TP53INP1: variants seen among roughly 807,000 people sequenced by gnomAD.
TP53INP1 encodes tumor protein p53 inducible nuclear protein 1.
In TP53INP1, 12 loss-of-function variants were observed where a neutral mutation model predicts 21.0. That is an observed-to-expected ratio of 0.57 (90% CI 0.37 to 0.93). The LOEUF (loss-of-function observed/expected upper bound fraction) is 0.93. TP53INP1 is among the 40% of genes least tolerant of loss of function. The pLI is 0.01. For synonymous variants in TP53INP1, 91 were observed against 94.8 expected (o/e 0.96, Z 0.23); for missense variants, 274 against 294.7 (o/e 0.93, Z 0.51).
In TP53INP1 at chr8:94,930,471, T is replaced by C. The variant is rs370100507; in HGVS notation, c.*8A>G. 4.3e-6 allele frequency: 7 copies of C among 1,612,986 alleles called. No homozygotes were observed. The highest frequency in any genetic ancestry group is 5.9e-6 in the Non-Finnish European group (7 of 1,179,080). On this transcript the variant is annotated 3_prime_UTR_variant, in exon 4 of 4. Coordinates refer to ENST00000342697, the MANE Select transcript of TP53INP1 (RefSeq NM_033285.4). ...CCAAGAGAAACCAACCAACAAAACT[T>C]GAAACTATTAGTAATTGTACTGACG...
Position 94,929,542 on chromosome 8 carries a change from A to AT in TP53INP1, c.*936dup, listed in dbSNP as rs1210186142. The AT allele has an allele frequency of 2.0e-5, 3 of 152,096 alleles. No individual in the cohort carries two copies. The highest frequency in any genetic ancestry group is 7.2e-5 in the African/African-American group (3 of 41,408). 9.4% of individuals were successfully genotyped at this position (152,096 alleles called of 1,614,324 possible). A position where few individuals can be genotyped will look rare whatever the true frequency, so the allele number is the denominator to read the frequency against. On this transcript the variant is annotated 3_prime_UTR_variant, in exon 4 of 4. Transcript: ENST00000342697. ...GGCAGGACAGGCTCCATGACAGAGG[A>AT]TTTTTCACTCTGTGGAAATATAAAG...
At chr8:94,933,206 T>C (rs138886745) in intron 3 of TP53INP1, among the ~76,000 whole-genome samples, 2,409 of 152,052 alleles carry the variant, frequency 0.016, 68 homozygotes, top group African/African-American at 0.054. Flanking sequence ...ACAGTGAGAC[T>C]CCGTGTTAAA....
At chr8:94,941,237 C>T (rs1181786246) in intron 1 of TP53INP1, 146 bp from the exon 2 acceptor site, 4 of 275,162 alleles carry the variant, frequency 1.5e-5, no homozygotes, top group Middle Eastern at 1.0e-3. Context: ...GAGTCAAACA[C>T]AAGAAATGCA....
At position 94,939,886 on chromosome 8, in the gene TP53INP1, A is replaced by C. The variant is rs748171136; in HGVS notation, c.447T>G (p.Asp149Glu). The C allele has an allele frequency of 6.2e-7, 1 of 1,613,758 alleles. No individual in the cohort carries two copies. The highest frequency in any genetic ancestry group is 1.1e-5 in the South Asian group (1 of 91,052). ...TGGGACTACTTGGGCTATGTAATTCATCAGTCCCACGGGTGGCCTCACTGA... is the reference window on the plus strand; with the variant it reads ...TGGGACTACTTGGGCTATGTAATTCCTCAGTCCCACGGGTGGCCTCACTGA... Reference protein sequence around the residue: ...PGLSEATRGTDELHSPSSPRV... With the variant: ...PGLSEATRGTEELHSPSSPRV... The change falls in exon 3 of 4, where the codon GAT becomes GAG. Residue 149 changes from aspartate (D) to glutamate (E), a missense_variant. Physicochemically the swap from Asp to Glu is conservative, Grantham distance 45. Transcript: ENST00000342697.
chr8:94,943,614 C>T (rs919392675), intron 1 of TP53INP1, among the ~76,000 whole-genome samples: 7 of 152,214 alleles, frequency 4.6e-5, no homozygotes. Flanking sequence ...AGTTCACTTT[C>T]AAAATAATCT....
At chr8:94,936,687 C>T (rs957306032) in intron 3 of TP53INP1, among the ~76,000 whole-genome samples, 14 of 152,122 alleles carry the variant, frequency 9.2e-5, no homozygotes, top group African/African-American at 2.7e-4. Context: ...CACAACCCTA[C>T]GGAAATTTGA....
chr8:94,931,603 C>CAT (rs1475614740), intron 3 of TP53INP1, among the ~76,000 whole-genome samples: 15 of 40,722 alleles, frequency 3.7e-4, no homozygotes, highest in East Asian at 3.6e-3. Context: ...CACACACACA[C>CAT]ACACACATAA....
rs891303577 is a variant in TP53INP1, at chr8:94,930,120, TACAAA to T, written c.*354_*358del. On this transcript the variant is annotated 3_prime_UTR_variant, in exon 4 of 4. Coordinates refer to ENST00000342697, the MANE Select transcript of TP53INP1 (RefSeq NM_033285.4). ...TTTGCTTGCTTAAAAGATTAAGTAA[TACAAA>T]ATAAAATGAAAATGAAAGATGCCTA... The T allele has an allele frequency of 6.6e-5, 14 of 211,260 alleles. No homozygotes were observed. Among genetic ancestry groups the T allele is most frequent in the Non-Finnish European group, 1.2e-4 (12 of 104,176 alleles). 13.1% of individuals were successfully genotyped at this position (211,260 alleles called of 1,614,324 possible). A position where few individuals can be genotyped will look rare whatever the true frequency, so the allele number is the denominator to read the frequency against.
chr8:94,941,269 C>G (rs536761674), intron 1 of TP53INP1, among the ~76,000 whole-genome samples, 178 bp from the exon 2 acceptor site: 1 of 152,244 alleles, frequency 6.6e-6, no homozygotes, highest in African/African-American at 2.4e-5. Context: ...TGTAAATACT[C>G]TTACTCAAAT....
chr8:94,935,128 TATAGATAGATAGATAGATAG>T lies in TP53INP1; in HGVS notation c.474-4420_474-4401del, dbSNP rs56734843. On this transcript the variant is annotated intron_variant, in intron 3 of 3. Transcript: ENST00000342697. The stretch of plus-strand genomic sequence containing the variant: ...GTAGGTAGGTACATAGGTAGATAGA[TATAGATAGATAGATAGATAG>T]ATAGATAGATAGATAGATAGATAGA... 5.5e-5 allele frequency among the ~76,000 whole-genome samples: 8 copies of T among 144,640 alleles called. No individual in the cohort carries two copies. In the East Asian group the frequency reaches 8.1e-4, roughly 15 times the overall value. 94.9% of individuals were successfully genotyped at this position (144,640 alleles called of 152,430 possible).
Position 94,929,086 on chromosome 8 carries a change from A to ACTGG in TP53INP1, c.*1389_*1392dup, listed in dbSNP as rs747301984. Reference sequence around the variant, plus strand: ...AAGGAAATAGATTTTCTCTAAGTTAACTGGCCTACGTGTGAATCGAACCCT... The same window carrying ACTGG: ...AAGGAAATAGATTTTCTCTAAGTTAACTGGCTGGCCTACGTGTGAATCGAACCCT... On this transcript the variant is annotated 3_prime_UTR_variant, in exon 4 of 4. Transcript: ENST00000342697. 4 of 152,636 alleles carry ACTGG rather than the reference A, an allele frequency of 2.6e-5. No individual in the cohort carries two copies. The highest frequency in any genetic ancestry group is 4.8e-5 in the African/African-American group (2 of 41,452). The allele number at this position is 152,636 out of a possible 1,614,324, so 9.5% of individuals were successfully genotyped here. A position where few individuals can be genotyped will look rare whatever the true frequency, so the allele number is the denominator to read the frequency against.
rs1820194356 is a variant in TP53INP1, at chr8:94,929,529, T to C, written c.*950A>G. On this transcript the variant is annotated 3_prime_UTR_variant, in exon 4 of 4. Coordinates refer to ENST00000342697, the MANE Select transcript of TP53INP1 (RefSeq NM_033285.4). ...ACTCTTGCCACTTGGCAGGACAGGCTCCATGACAGAGGATTTTTCACTCTG... is the reference window on the plus strand; with the variant it reads ...ACTCTTGCCACTTGGCAGGACAGGCCCCATGACAGAGGATTTTTCACTCTG... 6.6e-6 allele frequency: 1 copy of C among 152,010 alleles called. No homozygotes were observed. Among genetic ancestry groups the C allele is most frequent in the Non-Finnish European group, 1.5e-5 (1 of 67,998 alleles). 9.4% of individuals were successfully genotyped at this position (152,010 alleles called of 1,614,324 possible).
intron 3 of TP53INP1, among the ~76,000 whole-genome samples, chr8:94,934,431 G>C (rs961700726): frequency 1.2e-4 from 18 of 151,502 alleles, no homozygotes; most frequent in Admixed American, 3.9e-4. Flanking sequence ...TGTCACCCAG[G>C]CTGGAGTGCA....
rs1226161671 is a variant in TP53INP1 at position 94,939,363 on chromosome 8, T to C, written c.473+497A>G. On this transcript the variant is annotated intron_variant, in intron 3 of 3. Coordinates refer to ENST00000342697, the MANE Select transcript of TP53INP1 (RefSeq NM_033285.4). ...GAATGCTATTATATAACTGGGGCCATGCTACATCTAACTTTCTTAAAAAAA... is the reference window on the plus strand; with the variant it reads ...GAATGCTATTATATAACTGGGGCCACGCTACATCTAACTTTCTTAAAAAAA... Among the ~76,000 whole-genome samples the C allele has an allele frequency of 3.3e-5, 5 of 152,196 alleles. No individual in the cohort carries two copies. In the South Asian group the frequency reaches 1.0e-3, roughly 31 times the overall value.
In TP53INP1 at chr8:94,941,015, C is replaced by T; in HGVS notation, c.-74G>A. 2 of 1,102,146 alleles carry T rather than the reference C, an allele frequency of 1.8e-6. No homozygotes were observed. The highest frequency in any genetic ancestry group is 1.3e-5 in the South Asian group (1 of 75,198). The allele number at this position is 1,102,146 out of a possible 1,614,324, so 68.3% of individuals were successfully genotyped here. ...TTTCAAAACCTTGTCTTTAGTTGGC[C>T]CAATGGTACCGACAGGAGATTAAAG... On this transcript the variant is annotated 5_prime_UTR_variant, in exon 2 of 4. Coordinates refer to ENST00000342697, the MANE Select transcript of TP53INP1 (RefSeq NM_033285.4).
rs919091809 is a variant in TP53INP1 at position 94,932,174 on chromosome 8, A to G, written c.474-1446T>C. On this transcript the variant is annotated intron_variant, in intron 3 of 3. Transcript: ENST00000342697. ...TTTAAAATGCTATTGTAACTTTACTATTAGGACGTGGTCAACTTTTATTAA... is the reference window on the plus strand; with the variant it reads ...TTTAAAATGCTATTGTAACTTTACTGTTAGGACGTGGTCAACTTTTATTAA... 7.8e-6 allele frequency: 12 copies of G among 1,532,156 alleles called. No individual in the cohort carries two copies. In the African/African-American group the frequency reaches 1.4e-4, roughly 17 times the overall value. 94.9% of individuals were successfully genotyped at this position (1,532,156 alleles called of 1,614,324 possible).
rs969084801 is a variant in TP53INP1 at position 94,928,037 on chromosome 8, A to T, written c.*2442T>A. 6.6e-6 allele frequency: 1 copy of T among 152,356 alleles called. No individual in the cohort carries two copies. The highest frequency in any genetic ancestry group is 1.5e-5 in the Non-Finnish European group (1 of 68,046). 9.4% of individuals were successfully genotyped at this position (152,356 alleles called of 1,614,324 possible). A position where few individuals can be genotyped will look rare whatever the true frequency, so the allele number is the denominator to read the frequency against. On this transcript the variant is annotated 3_prime_UTR_variant, in exon 4 of 4. Coordinates refer to ENST00000342697, the MANE Select transcript of TP53INP1 (RefSeq NM_033285.4). ...AGGAGATGCCTAACATCTAATAACCAAGAGTTTCAACTGAATTATATAACC... is the reference window on the plus strand; with the variant it reads ...AGGAGATGCCTAACATCTAATAACCTAGAGTTTCAACTGAATTATATAACC...
intron 2 of TP53INP1, 144 bp from the exon 3 acceptor site, chr8:94,940,364 C>CA (rs1341256842): frequency 2.2e-6 from 2 of 923,278 alleles, no homozygotes; most frequent in African/African-American, 3.3e-5. Context: ...AGCTGATGCT[C>CA]ACGTATCTTC....
At chr8:94,938,150 T>C (rs1163795471) in intron 3 of TP53INP1, among the ~76,000 whole-genome samples, 1 of 152,218 alleles carries the variant, frequency 6.6e-6, no homozygotes, top group Non-Finnish European at 1.5e-5. Context: ...AGGGTGAAGC[T>C]ACGTGTTTGC....
Sources: allele counts gnomAD v4.1 joint callset (sites outside exome capture counted in the v4.1 genomes callset), GRCh38; gene constraint gnomAD v4.1.1; transcripts MANE v1.5; gene names NCBI Gene and HGNC (gene_info 2026-07-23, HGNC 2026-07-21).